The following SMPD3 variants were observed in gnomAD, a reference collection of about 807,000 sequenced individuals.
SMPD3 encodes nSMase-2.
SMPD3 carries 21 observed loss-of-function variants against 55.7 expected under a neutral mutation model. The ratio of observed to expected loss-of-function variants is 0.38; its 90% CI spans 0.27 to 0.54. The LOEUF (loss-of-function observed/expected upper bound fraction) is 0.54, where lower values mean the gene tolerates loss of function less well. Among genes scored for constraint, SMPD3 ranks in the 20% least tolerant of loss-of-function variants. The probability of loss-of-function intolerance (pLI) is 0.80; values close to 1 mark genes in which losing one functional copy is unlikely to be tolerated. For synonymous variants in SMPD3, 457 were observed against 404.3 expected, an observed-to-expected ratio of 1.13 and a Z score of -1.56; for missense variants, 842 against 899.6, an observed-to-expected ratio of 0.94 and a Z score of 0.82.
At chr16:68,385,351 G>A (rs1414361948) in intron 2 of SMPD3, among the ~76,000 whole-genome samples, 2 of 152,044 alleles carry the variant, frequency 1.3e-5, no homozygotes, top group South Asian at 2.1e-4. Context: ...TCCAGGACAC[G>A]TTCTGGGGGA....
chr16:68,396,069 A>AAGGAC (rs2090154437), intron 1 of SMPD3, among the ~76,000 whole-genome samples: 1 of 151,972 alleles, frequency 6.6e-6, no homozygotes, highest in African/African-American at 2.4e-5. Context: ...CCTTAGCCCC[A>AAGGAC]AGTGTCCTGT....
rs1029239289 is a variant in SMPD3 at position 68,447,184 on chromosome 16, A to C, written c.-269+1169T>G. ...CGAGGATGCCTGGGCCGAGCGCGAA[A>C]GCCCCATGCCTTGGAACAGCCACCG... On this transcript the variant is annotated intron_variant, in intron 1 of 8. Transcript: ENST00000219334. The surrounding 1 kb of genome is among the most constrained non-coding windows in gnomAD (Gnocchi z 5.1). Among the ~76,000 whole-genome samples the C allele has an allele frequency of 1.3e-5, 2 of 151,958 alleles. No individual in the cohort carries two copies. The highest frequency in any genetic ancestry group is 4.8e-5 in the African/African-American group (2 of 41,392).
At chr16:68,410,244 G>A (rs2090288526) in intron 1 of SMPD3, among the ~76,000 whole-genome samples, 1 of 152,176 alleles carries the variant, frequency 6.6e-6, no homozygotes. Flanking sequence ...CTCCACAGGT[G>A]TCAGGAAGCA....
intron 1 of SMPD3, among the ~76,000 whole-genome samples, chr16:68,387,583 G>A (rs1409938611): frequency 2.6e-5 from 4 of 152,160 alleles, no homozygotes; most frequent in Non-Finnish European, 4.4e-5. Context: ...CTAATCTGCC[G>A]AATCCTTGGC....
intron 8 of SMPD3, 109 bp downstream of exon 8, chr16:68,361,494 T>C: frequency 6.7e-7 from 1 of 1,489,324 alleles, no homozygotes; most frequent in Non-Finnish European, 9.1e-7. Flanking sequence ...GGTATCATTG[T>C]AAGAGTGGCC....
intron 1 of SMPD3, among the ~76,000 whole-genome samples, chr16:68,431,031 T>A (rs998518868): frequency 6.6e-6 from 1 of 152,130 alleles, no homozygotes; most frequent in Non-Finnish European, 1.5e-5. Flanking sequence ...AGAATTCAGA[T>A]ATATTTCTTC....
At position 68,365,062 on chromosome 16, in the gene SMPD3, T is replaced by C; in HGVS notation, c.1354A>G (p.Arg452Gly). 6.2e-7 allele frequency: 1 copy of C among 1,614,066 alleles called. No individual in the cohort carries two copies. The highest frequency in any genetic ancestry group is 8.5e-7 in the Non-Finnish European group (1 of 1,180,004). Residue 452 changes from arginine to glycine, a missense_variant, in exon 4 of 9, where the codon AGA becomes GGA. Arg to Gly is a moderately radical substitution (Grantham distance 125). This residue lies in a region of SMPD3 where 649 missense variants were observed against 643.6 expected (regional missense o/e 1.01). Coordinates refer to ENST00000219334, the MANE Select transcript of SMPD3 (RefSeq NM_018667.4). ...GTGCAGGCGATGTACCCGACGATTC[T>C]TTGGTCCTGAGGTGTGCTTCCCACC... ...VQVGSTPQDQRIVGYIACTHL... is the reference protein window; with the variant it reads ...VQVGSTPQDQGIVGYIACTHL...
chr16:68,418,225 C>T (rs555317275), intron 1 of SMPD3, among the ~76,000 whole-genome samples: 1 of 152,040 alleles, frequency 6.6e-6, no homozygotes, highest in Non-Finnish European at 1.5e-5. Flanking sequence ...GACGGTGTGC[C>T]GCAGCAGAAG....
rs75032317 is a variant in SMPD3, at chr16:68,439,359, T to C, written c.-269+8994A>G. 9.3e-3 allele frequency among the ~76,000 whole-genome samples: 1,417 copies of C among 152,318 alleles called. 15 individuals carry two copies. Among genetic ancestry groups the C allele is most frequent in the Middle Eastern group, 0.092 (27 of 294 alleles). On this transcript the variant is annotated intron_variant, in intron 1 of 8. Coordinates refer to ENST00000219334, the MANE Select transcript of SMPD3 (RefSeq NM_018667.4). ...CCCCAGCCAGACCCTGGTCTCCTCC[T>C]GGGGAAGGGTTCTCAAAACACCCCA...
intron 2 of SMPD3, among the ~76,000 whole-genome samples, chr16:68,376,047 A>T (rs888743438): frequency 3.9e-5 from 6 of 152,238 alleles, no homozygotes; most frequent in Non-Finnish European, 7.3e-5. Flanking sequence ...CCACCCATGG[A>T]GAAACCATGG....
At chr16:68,441,783 A>T (rs2090567879) in intron 1 of SMPD3, among the ~76,000 whole-genome samples, 1 of 152,084 alleles carries the variant, frequency 6.6e-6, no homozygotes, top group Non-Finnish European at 1.5e-5. Flanking sequence ...AATTAAAAAA[A>T]ATTTTAGAAT....
intron 1 of SMPD3, among the ~76,000 whole-genome samples, chr16:68,399,192 G>T (rs1024271835): frequency 6.6e-6 from 1 of 152,180 alleles, no homozygotes; most frequent in African/African-American, 2.4e-5. Flanking sequence ...GGGCTTGGGG[G>T]GAGGTCACTT....
Position 68,404,802 on chromosome 16 carries a change from C to T in SMPD3, c.-268-18143G>A, listed in dbSNP as rs1242048215. On this transcript the variant is annotated intron_variant, in intron 1 of 8. Coordinates refer to ENST00000219334, the MANE Select transcript of SMPD3 (RefSeq NM_018667.4). This position sits in a 1 kb window ranked among gnomAD's most constrained non-coding sequence, Gnocchi z 4.0. ...TCCATCCAAATTGGAAATGAAAAGG[C>T]CCTGGTACTTGACAGATCTACTCCA... is the stretch of plus-strand genomic sequence containing the variant. Among the ~76,000 whole-genome samples the T allele has an allele frequency of 6.6e-6, 1 of 152,094 alleles. No homozygotes were observed. Among genetic ancestry groups the T allele is most frequent in the Non-Finnish European group, 1.5e-5 (1 of 68,000 alleles).
chr16:68,361,621 C>G lies in SMPD3; in HGVS notation c.1848G>C (p.Leu616=). 1 of 1,609,404 alleles carries G rather than the reference C, an allele frequency of 6.2e-7. No homozygotes were observed. The highest frequency in any genetic ancestry group is 8.5e-7 in the Non-Finnish European group (1 of 1,179,942). Residue 616 remains leucine (L), a synonymous_variant, in exon 8 of 9, where the codon CTG becomes CTC. Transcript: ENST00000219334. ...IDYMLHAEEG[L]CPDWKAEVEE... ...GACTCACGGCCTTCCAGTCTGGGCA[C>G]AGCCCCTCCTCTGCATGCAGCATGT...
intron 2 of SMPD3, among the ~76,000 whole-genome samples, chr16:68,379,397 T>C (rs8057079): frequency 0.021 from 3,147 of 152,354 alleles, 125 homozygotes; most frequent in African/African-American, 0.072. Flanking sequence ...CTCAGGGTAG[T>C]TGCAGATGGT....
intron 1 of SMPD3, among the ~76,000 whole-genome samples, chr16:68,429,600 G>C (rs950187852): frequency 6.6e-6 from 1 of 152,202 alleles, no homozygotes; most frequent in Non-Finnish European, 1.5e-5. Flanking sequence ...GCAGGGTTGC[G>C]TGATCAGTTG....
rs771577674 is a variant in SMPD3, at chr16:68,372,046, G to A, written c.136C>T (p.Arg46Cys). The change falls in exon 3 of 9, where the codon CGC (arginine) becomes TGC (cysteine). Residue 46 changes from arginine to cysteine, a missense_variant. Physicochemically the swap from Arg to Cys is radical, Grantham distance 180. Around this residue, in one of 2 missense-constraint regions of SMPD3, gnomAD observed 193 missense variants for 256.0 expected, o/e 0.75. Transcript: ENST00000219334. ...ASFIPTTYEK[R>C]QRADDPCCLQ... is the part of the protein sequence containing the mutation. ...CAGCACGGGTCGTCTGCCCGCTGGC[G>A]CTTCTCGTAGGTGGTGGGTATGAAG... 2.5e-6 allele frequency: 4 copies of A among 1,608,908 alleles called. No homozygotes were observed. Among genetic ancestry groups the A allele is most frequent in the African/African-American group, 1.3e-5 (1 of 74,910 alleles).
intron 3 of SMPD3, among the ~76,000 whole-genome samples, chr16:68,365,838 C>T (rs1183819415): frequency 6.6e-6 from 1 of 152,142 alleles, no homozygotes; most frequent in Non-Finnish European, 1.5e-5. Context: ...CAAAGGCTGG[C>T]TTAATACAAA....
At chr16:68,391,593 T>C (rs2090111375) in intron 1 of SMPD3, among the ~76,000 whole-genome samples, 1 of 152,078 alleles carries the variant, frequency 6.6e-6, no homozygotes, top group South Asian at 2.1e-4. Flanking sequence ...CAGTTATCCA[T>C]TTGGAAAGAT....
Sources: gnomAD v4.1 joint callset for allele counts (sites outside exome capture counted in the v4.1 genomes callset) on GRCh38, gnomAD v4.1.1 for gene constraint, gnomAD v4.1.1 regional missense constraint, Gnocchi (gnomAD v3.1) non-coding constraint, MANE v1.5 for transcripts, NCBI Gene and HGNC (gene_info 2026-07-23, HGNC 2026-07-21) for gene names.